Variants in CLASP2 observed in about 807,000 individuals in gnomAD.
CLASP2 encodes the protein cytoplasmic linker associated protein 2.
Under a neutral mutation model 194.4 loss-of-function variants are expected in CLASP2, and 47 were observed. The ratio of observed to expected loss-of-function variants is 0.24; its 90% CI spans 0.19 to 0.31. The LOEUF is 0.31. Among genes scored for constraint, CLASP2 ranks in the 10% least tolerant of loss-of-function variants. CLASP2 has a pLI of 1.00. For missense variants in CLASP2, 1,445 were observed against 1,823.6 expected (o/e 0.79, Z 3.78); for synonymous variants, 619 against 633.5 (o/e 0.98, Z 0.34).
intron 11 of CLASP2, 75 bp from the exon 12 acceptor site, chr3:33,619,813 C>T: frequency 8.3e-7 from 1 of 1,197,766 alleles, no homozygotes. Flanking sequence ...TTTTAAAATA[C>T]TCTTTTACTG....
chr3:33,612,409 T>C (rs1559378667), intron 12 of CLASP2, among the ~76,000 whole-genome samples: 1 of 152,186 alleles, frequency 6.6e-6, no homozygotes, highest in Non-Finnish European at 1.5e-5. Context: ...TGAAGTACCA[T>C]GGCTACTGCT....
Position 33,619,745 on chromosome 3 carries a change from A to G in CLASP2, c.1182-7T>C. On this transcript the variant is annotated splice_polypyrimidine_tract_variant and splice_region_variant and intron_variant, in intron 11 of 38. Transcript: ENST00000682230. ...CAAAACTGTTGAAAGGTGGCTACAA[A>G]GGAAGACAAAAAGTATTTTTTAATA... 1 of 1,572,198 alleles carries G rather than the reference A, an allele frequency of 6.4e-7. No homozygotes were observed. Among genetic ancestry groups the G allele is most frequent in the African/African-American group, 1.4e-5 (1 of 73,338 alleles).
At chr3:33,592,817 G>A in intron 20 of CLASP2, 1 of 330,530 alleles carries the variant, frequency 3.0e-6, no homozygotes, top group Non-Finnish European at 5.7e-6. Flanking sequence ...TTGCAATTCT[G>A]AAATTTCAGT....
chr3:33,677,135 A>G (rs1419302410), intron 6 of CLASP2, among the ~76,000 whole-genome samples: 2 of 152,098 alleles, frequency 1.3e-5, no homozygotes, highest in African/African-American at 4.8e-5. Flanking sequence ...CCATTGTGGA[A>G]GTCAGTGTGG....
chr3:33,659,769 C>T (rs2084979453), intron 7 of CLASP2: 1 of 152,242 alleles, frequency 6.6e-6, no homozygotes, highest in African/African-American at 2.4e-5. Flanking sequence ...ACCATCAGCA[C>T]ATTGTCAAGC....
intron 34 of CLASP2, among the ~76,000 whole-genome samples, chr3:33,529,752 C>A (rs1190185423): frequency 6.6e-6 from 1 of 151,910 alleles, no homozygotes; most frequent in Non-Finnish European, 1.5e-5. Flanking sequence ...GAGGCCGAGG[C>A]GGGTGGATCA....
In CLASP2 at chr3:33,592,439, T is replaced by C; in HGVS notation, c.2024A>G (p.Asp675Gly). 3 of 1,613,888 alleles carry C rather than the reference T, an allele frequency of 1.9e-6. No homozygotes were observed. Among genetic ancestry groups the C allele is most frequent in the South Asian group, 1.1e-5 (1 of 91,032 alleles). The part of the protein sequence containing the change: ...PLAGMGNAKA[D>G]SRGRSRTKMV... The stretch of plus-strand genomic sequence containing the variant: ...TTTTGTTCGACTTCTTCCTCTAGAA[T>C]CTGCCTTGGCATTTCCCATGCCAGC... The change falls in exon 21 of 39, where the codon GAT (aspartate) becomes GGT (glycine). Residue 675 changes from aspartate to glycine, a missense_variant. This residue lies in a region of CLASP2 where 174 missense variants were observed against 179.0 expected (regional missense o/e 0.97). Transcript: ENST00000682230.
chr3:33,718,221 A>AGGCCGC lies in CLASP2; in HGVS notation c.-225_-220dup, dbSNP rs1315405019. On this transcript the variant is annotated 5_prime_UTR_variant, in exon 1 of 39. Coordinates refer to ENST00000682230, the MANE Select transcript of CLASP2 (RefSeq NM_001365631.1). Reference sequence around the variant, plus strand: ...CCCCCCGATCCCCAGCCCGCTTCAGAGGCCGCGGCCGCGGGCGACGTCAGC... The same window carrying AGGCCGC: ...CCCCCCGATCCCCAGCCCGCTTCAGAGGCCGCGGCCGCGGCCGCGGGCGACGTCAGC... The AGGCCGC allele has an allele frequency of 2.3e-5, 6 of 266,464 alleles. No homozygotes were observed. In the South Asian group the frequency reaches 3.7e-4, roughly 17 times the overall value. The allele number at this position is 266,464 out of a possible 1,614,324, so 16.5% of individuals were successfully genotyped here.
intron 29 of CLASP2, among the ~76,000 whole-genome samples, chr3:33,557,033 G>C (rs1306658572): frequency 6.6e-6 from 1 of 151,834 alleles, no homozygotes; most frequent in African/African-American, 2.4e-5. Flanking sequence ...GAGTGCAGTG[G>C]CATGATTTTG....
At chr3:33,714,335 C>A (rs932326310) in intron 1 of CLASP2, among the ~76,000 whole-genome samples, 17 of 152,132 alleles carry the variant, frequency 1.1e-4, no homozygotes, top group Admixed American at 9.8e-4. Context: ...TATTTTGAAT[C>A]TTCAATTATG....
intron 23 of CLASP2, among the ~76,000 whole-genome samples, chr3:33,578,670 A>C (rs1020831913): frequency 1.3e-5 from 2 of 152,344 alleles, no homozygotes; most frequent in Non-Finnish European, 2.9e-5. Flanking sequence ...AATTTTACCT[A>C]ACAGAAATAA....
intron 34 of CLASP2, among the ~76,000 whole-genome samples, chr3:33,529,785 T>C (rs1421136492): frequency 2.6e-5 from 4 of 151,722 alleles, no homozygotes; most frequent in Non-Finnish European, 5.9e-5. Flanking sequence ...ATCGAGACCA[T>C]CCTGGCTAAC....
intron 1 of CLASP2, among the ~76,000 whole-genome samples, chr3:33,712,635 C>T (rs1245559452): frequency 2.6e-5 from 4 of 151,854 alleles, no homozygotes; most frequent in African/African-American, 9.7e-5. Context: ...TTTAGAGTTC[C>T]GGAATATCAT....
At position 33,663,427 on chromosome 3, in the gene CLASP2, G is replaced by A; in HGVS notation, c.715+18C>T. 2 of 1,600,908 alleles carry A rather than the reference G, an allele frequency of 1.2e-6. No homozygotes were observed. Among genetic ancestry groups the A allele is most frequent in the Non-Finnish European group, 1.7e-6 (2 of 1,171,500 alleles). ...GCTAAATAGTCTTAGAAATGTTTGA[G>A]AGCTTAATTACTCTTACCTTTGCAG... On this transcript the variant is annotated intron_variant, in intron 7 of 38. Transcript: ENST00000682230.
In CLASP2 at chr3:33,642,414, C is replaced by A. The variant is rs2081482356; in HGVS notation, c.862+2343G>T. ...CACAATGAATAGTGCCACTTTTGTT[C>A]TTCTACCAAGAAAATATTTGTATAT... On this transcript the variant is annotated intron_variant, in intron 8 of 38. Coordinates refer to ENST00000682230, the MANE Select transcript of CLASP2 (RefSeq NM_001365631.1). Among the ~76,000 whole-genome samples the A allele has an allele frequency of 2.6e-5, 4 of 151,778 alleles. No homozygotes were observed. The South Asian group carries it at 8.3e-4, about 31-fold the overall frequency.
Position 33,576,190 on chromosome 3 carries a change from C to T in CLASP2, c.2433G>A (p.Glu811=). 1 of 1,613,718 alleles carries T rather than the reference C, an allele frequency of 6.2e-7. No individual in the cohort carries two copies. The highest frequency in any genetic ancestry group is 8.5e-7 in the Non-Finnish European group (1 of 1,179,664). The part of the protein sequence containing the change: ...MRVLNTGSDV[E]EAVADALKKP... ...GTACCAAGGCATCTGCCACCGCCTC[C>T]TCCACATCAGAACCTGTGTTCAGGA... The change falls in exon 24 of 39, where the codon GAG becomes GAA. Residue 811 remains glutamate, a synonymous_variant. Coordinates refer to ENST00000682230, the MANE Select transcript of CLASP2 (RefSeq NM_001365631.1).
chr3:33,592,800 T>C (rs1440878640), intron 20 of CLASP2: 6 of 348,436 alleles, frequency 1.7e-5, no homozygotes, highest in South Asian at 8.1e-5. Flanking sequence ...TGTTTCTCAA[T>C]TGGTAGTTGC....
In CLASP2 at chr3:33,592,694, T is replaced by TAA. The variant is rs1017734181; in HGVS notation, c.1967-199_1967-198insTT. Reference sequence around the variant, plus strand: ...TGTTATACCATAAGCTAATTTTCCTTCAAGGATAAGAAGAATCAAACTAAA... The same window carrying TAA: ...TGTTATACCATAAGCTAATTTTCCTTAACAAGGATAAGAAGAATCAAACTAAA... On this transcript the variant is annotated intron_variant, in intron 20 of 38. Transcript: ENST00000682230. 12 of 632,452 alleles carry TAA rather than the reference T, an allele frequency of 1.9e-5. No individual in the cohort carries two copies. In the African/African-American group the frequency reaches 2.2e-4, roughly 12 times the overall value. 39.2% of individuals were successfully genotyped at this position (632,452 alleles called of 1,614,324 possible). A position where few individuals can be genotyped will look rare whatever the true frequency, so the allele number is the denominator to read the frequency against.
intron 34 of CLASP2, among the ~76,000 whole-genome samples, chr3:33,524,898 C>T (rs1433318378): frequency 6.6e-6 from 1 of 152,280 alleles, no homozygotes; most frequent in Middle Eastern, 3.4e-3. Flanking sequence ...TGGATTCTCA[C>T]TCTCAATAAT....
Sources: gnomAD v4.1 joint callset for allele counts (sites outside exome capture counted in the v4.1 genomes callset) on GRCh38, gnomAD v4.1.1 for gene constraint, gnomAD v4.1.1 regional missense constraint, MANE v1.5 for transcripts, NCBI Gene and HGNC (gene_info 2026-07-23, HGNC 2026-07-21) for gene names.